Variants in ZNF804B observed in about 807,000 individuals in gnomAD.
ZNF804B encodes the protein zinc finger 804B.
A neutral mutation model predicts 101.4 loss-of-function variants in ZNF804B; 80 were observed. That is an observed-to-expected ratio of 0.79 (90% CI 0.66 to 0.95). The LOEUF is 0.95. Among genes scored for constraint, ZNF804B ranks in the 40% least tolerant of loss-of-function variants. ZNF804B has a pLI of 0.00. For missense variants in ZNF804B, 1,673 were observed against 1,561.9 expected, an observed-to-expected ratio of 1.07 and a Z score of -1.20; for synonymous variants, 622 against 558.8, an observed-to-expected ratio of 1.11 and a Z score of -1.59.
Position 88,994,528 on chromosome 7 carries a change from T to C in ZNF804B, c.109-223627T>C, listed in dbSNP as rs552952718. Reference sequence around the variant, plus strand: ...GGTTAGTGATTTTTAACTTTTTCACTGTAGCCTTTGGCTACTTAAGTCACT... The same window carrying C: ...GGTTAGTGATTTTTAACTTTTTCACCGTAGCCTTTGGCTACTTAAGTCACT... On this transcript the variant is annotated intron_variant, in intron 1 of 3. Transcript: ENST00000333190. 6.0e-4 allele frequency among the ~76,000 whole-genome samples: 92 copies of C among 152,226 alleles called. 1 individual carries two copies. The highest frequency in any genetic ancestry group is 2.2e-3 in the African/African-American group (91 of 41,572).
Position 89,016,693 on chromosome 7 carries a change from T to C in ZNF804B, c.109-201462T>C, listed in dbSNP as rs576059163. On this transcript the variant is annotated intron_variant, in intron 1 of 3. Coordinates refer to ENST00000333190, the MANE Select transcript of ZNF804B (RefSeq NM_181646.5). ...GAGGGCTCTGTTCTGTTCCATTGAT[T>C]TATATGTCTGTTTTGGTACCAGTAC... Among the ~76,000 whole-genome samples, 19 of 152,124 alleles carry C rather than the reference T, an allele frequency of 1.2e-4. No individual in the cohort carries two copies. In the East Asian group the frequency reaches 2.1e-3, roughly 17 times the overall value.
intron 2 of ZNF804B, among the ~76,000 whole-genome samples, chr7:89,251,768 A>T (rs1212945187): frequency 1.3e-5 from 2 of 152,126 alleles, no homozygotes; most frequent in East Asian, 3.9e-4. Context: ...ACCTATAACC[A>T]TCTGATCTTT....
chr7:89,228,270 C>T (rs1033901806), intron 2 of ZNF804B, among the ~76,000 whole-genome samples: 3 of 152,006 alleles, frequency 2.0e-5, no homozygotes, highest in East Asian at 1.9e-4. Context: ...TTGCAAAGAG[C>T]GCAAGAACAA....
chr7:89,164,055 G>T (rs555281386), intron 1 of ZNF804B, among the ~76,000 whole-genome samples: 1 of 151,418 alleles, frequency 6.6e-6, no homozygotes, highest in African/African-American at 2.4e-5. Context: ...CTCAAATAAT[G>T]CTTCTTCAAG....
chr7:89,134,299 GA>G (rs1197764488), intron 1 of ZNF804B, among the ~76,000 whole-genome samples: 1 of 152,002 alleles, frequency 6.6e-6, no homozygotes, highest in South Asian at 2.1e-4. Context: ...AAATTTTTAA[GA>G]AAAAAATTAG....
intron 2 of ZNF804B, among the ~76,000 whole-genome samples, chr7:89,297,733 T>C (rs1320038839): frequency 2.0e-5 from 3 of 152,006 alleles, no homozygotes; most frequent in Non-Finnish European, 4.4e-5. Context: ...TATGAAGATA[T>C]GGATGTAATA....
rs1164874065 is a variant in ZNF804B, at chr7:88,854,398, T to TCTTTCTTTCTTTCTTC, written c.108+94330_108+94345dup. Among the ~76,000 whole-genome samples, 909 of 134,594 alleles carry TCTTTCTTTCTTTCTTC rather than the reference T, an allele frequency of 6.8e-3. 71 individuals are homozygous for TCTTTCTTTCTTTCTTC. Among genetic ancestry groups the TCTTTCTTTCTTTCTTC allele is most frequent in the African/African-American group, 0.019 (608 of 32,150 alleles). The allele number at this position is 134,594 out of a possible 152,430, so 88.3% of individuals were successfully genotyped here. On this transcript the variant is annotated intron_variant, in intron 1 of 3. Transcript: ENST00000333190. ...TCTTTCTGTACTGCATTTCTTTCTTTCTTTCTTTCTTTCTTCCTTTCTTTC... is the reference window on the plus strand; with the variant it reads ...TCTTTCTGTACTGCATTTCTTTCTTTCTTTCTTTCTTTCTTCCTTTCTTTCTTTCTTCCTTTCTTTC...
chr7:88,877,007 A>AATATATATATATATAATATAT (rs1554342845), intron 1 of ZNF804B, among the ~76,000 whole-genome samples: 4 of 75,182 alleles, frequency 5.3e-5, no homozygotes, highest in African/African-American at 3.7e-4. Context: ...TGAAAAAAAA[A>AATATATATATATATAATATAT]ATATATATAT....
chr7:89,004,665 G>A lies in ZNF804B; in HGVS notation c.109-213490G>A, dbSNP rs559952530. On this transcript the variant is annotated intron_variant, in intron 1 of 3. Transcript: ENST00000333190. ...AATATTTTTAGTGGTTCTATTATTT[G>A]CTCTTTTAAAACTTAGAACCAAAAT... 3.3e-5 allele frequency among the ~76,000 whole-genome samples: 5 copies of A among 151,644 alleles called. No homozygotes were observed. The East Asian group carries it at 9.7e-4, about 29-fold the overall frequency.
intron 1 of ZNF804B, among the ~76,000 whole-genome samples, chr7:88,797,389 T>A (rs779843079): frequency 2.4e-4 from 37 of 152,138 alleles, no homozygotes; most frequent in Non-Finnish European, 4.9e-4. Flanking sequence ...CTTTGATACA[T>A]CTACTTTATA....
chr7:89,257,111 AT>A (rs564619647), intron 2 of ZNF804B, among the ~76,000 whole-genome samples: 2 of 151,852 alleles, frequency 1.3e-5, no homozygotes, highest in African/African-American at 2.4e-5. Flanking sequence ...AAATTTTGGG[AT>A]TTTTTTTCTC....
chr7:88,873,416 G>A (rs1012722966), intron 1 of ZNF804B, among the ~76,000 whole-genome samples: 11 of 152,252 alleles, frequency 7.2e-5, no homozygotes, highest in Admixed American at 7.2e-4. Context: ...CCATTCTGTA[G>A]GTTGCCTGTT....
At chr7:89,013,450 G>C (rs541949686) in intron 1 of ZNF804B, among the ~76,000 whole-genome samples, 1 of 152,272 alleles carries the variant, frequency 6.6e-6, no homozygotes, top group East Asian at 1.9e-4. Flanking sequence ...TATTTATGTA[G>C]AACATACCTT....
chr7:89,224,759 T>TGTGTATGA (rs1554381050), intron 2 of ZNF804B, among the ~76,000 whole-genome samples: 59 of 40,940 alleles, frequency 1.4e-3, no homozygotes, highest in African/African-American at 3.4e-3. Flanking sequence ...TGTATGAGTG[T>TGTGTATGA]GTGTGTGTGT....
chr7:89,311,881 G>T (rs369653500), intron 2 of ZNF804B, among the ~76,000 whole-genome samples: 210 of 152,204 alleles, frequency 1.4e-3, no homozygotes, highest in African/African-American at 4.8e-3. Flanking sequence ...ATATGCCATG[G>T]GTAGAAATTA....
intron 1 of ZNF804B, among the ~76,000 whole-genome samples, chr7:89,035,830 A>G (rs1359472142): frequency 6.7e-6 from 1 of 148,444 alleles, no homozygotes; most frequent in East Asian, 1.9e-4. Context: ...GGGAAAAATA[A>G]TATACTGGGA....
chr7:89,185,585 G>A (rs925307675), intron 1 of ZNF804B, among the ~76,000 whole-genome samples: 1 of 152,150 alleles, frequency 6.6e-6, no homozygotes, highest in African/African-American at 2.4e-5. Context: ...ATCTGGTCGG[G>A]CGCGGTGGCT....
intron 1 of ZNF804B, among the ~76,000 whole-genome samples, chr7:89,175,004 T>C (rs906129460): frequency 1.3e-5 from 2 of 152,068 alleles, no homozygotes; most frequent in Admixed American, 1.3e-4. Context: ...TCTTGTCAGA[T>C]GGATAGTTTG....
intron 1 of ZNF804B, among the ~76,000 whole-genome samples, chr7:89,132,493 C>A (rs1790568686): frequency 6.6e-6 from 1 of 151,914 alleles, no homozygotes; most frequent in Non-Finnish European, 1.5e-5. Context: ...TGGCTACAAA[C>A]AGAGTCAGGA....
Sources: gnomAD v4.1 joint callset for allele counts (sites outside exome capture counted in the v4.1 genomes callset) on GRCh38, gnomAD v4.1.1 for gene constraint, MANE v1.5 for transcripts, NCBI Gene and HGNC (gene_info 2026-07-23, HGNC 2026-07-21) for gene names.